Variants in NOX4 observed in about 807,000 individuals in gnomAD.
The protein encoded by NOX4 is kidney oxidase-1.
In NOX4, 69 loss-of-function variants were observed where a neutral mutation model predicts 87.6. That is an observed-to-expected ratio of 0.79 (90% CI 0.65 to 0.96). The LOEUF is 0.96. Ranked by LOEUF, NOX4 falls within the 40% of genes least tolerant of loss-of-function variation. NOX4 has a pLI of 0.00. For synonymous variants in NOX4, 275 were observed against 238.2 expected (o/e 1.15, Z -1.42); for missense variants, 680 against 681.5 (o/e 1.00, Z 0.02).
the NOX4 span, among the ~76,000 whole-genome samples, chr11:89,506,951 A>G: frequency 1.3e-5 from 2 of 151,940 alleles, no homozygotes; most frequent in East Asian, 1.9e-4. Flanking sequence ...ATACAATGCA[A>G]TACTATTCAC....
chr11:89,381,013 A>G (rs1940244849), intron 11 of NOX4, among the ~76,000 whole-genome samples: 1 of 152,202 alleles, frequency 6.6e-6, no homozygotes, highest in Non-Finnish European at 1.5e-5. Flanking sequence ...CAATAGCAAC[A>G]AAATGTTGCC....
intron 2 of NOX4, among the ~76,000 whole-genome samples, chr11:89,452,769 C>A (rs1474701286): frequency 6.6e-6 from 1 of 151,938 alleles, no homozygotes; most frequent in Non-Finnish European, 1.5e-5. Context: ...AGGCTGAGTG[C>A]AGTGGTACCA....
chr11:89,569,733 G>T, the NOX4 span, among the ~76,000 whole-genome samples: 1 of 152,170 alleles, frequency 6.6e-6, no homozygotes, highest in African/African-American at 2.4e-5. Flanking sequence ...GCCGGGTGCA[G>T]TGGCTCACAC....
rs1160075825 is a variant in NOX4 at position 89,449,500 on chromosome 11, A to G, written c.289T>C (p.Leu97=). 7.4e-6 allele frequency: 12 copies of G among 1,611,900 alleles called. No homozygotes were observed. Among genetic ancestry groups the G allele is most frequent in the Non-Finnish European group, 6.8e-6 (8 of 1,178,808 alleles). ...TGGAATGTTCTGCTTTTATCCAACA[A>G]TCTCCTGGTTCTCCTGCTTGGAACC... The part of the protein sequence containing the change: ...QKVPSRRTRR[L]LDKSRTFHIT... Residue 97 remains leucine, a synonymous_variant, in exon 4 of 18, where the codon TTG becomes CTG. Coordinates refer to ENST00000263317, the MANE Select transcript of NOX4 (RefSeq NM_016931.5).
chr11:89,460,535 C>T (rs1034640243), intron 2 of NOX4, among the ~76,000 whole-genome samples: 3 of 152,168 alleles, frequency 2.0e-5, no homozygotes, highest in African/African-American at 7.2e-5. Context: ...GACATTTATG[C>T]AGCCAAAAGA....
At chr11:89,584,516 T>C in the NOX4 span, among the ~76,000 whole-genome samples, 1 of 152,202 alleles carries the variant, frequency 6.6e-6, no homozygotes, top group Non-Finnish European at 1.5e-5. Flanking sequence ...TTTGTGTGTG[T>C]AGCACAGATG....
At chr11:89,393,922 TC>T (rs1332530713) in intron 11 of NOX4, among the ~76,000 whole-genome samples, 1 of 152,172 alleles carries the variant, frequency 6.6e-6, no homozygotes, top group Non-Finnish European at 1.5e-5. Context: ...TTCTCAGTCG[TC>T]TTCTACCTCC....
At chr11:89,358,671 T>C (rs2134993309) in intron 12 of NOX4, among the ~76,000 whole-genome samples, 1 of 151,804 alleles carries the variant, frequency 6.6e-6, no homozygotes, top group South Asian at 2.1e-4. Flanking sequence ...GTCTCACAGA[T>C]TTTTGCCTAT....
At chr11:89,383,800 C>T (rs184828609) in intron 11 of NOX4, among the ~76,000 whole-genome samples, 23 of 152,250 alleles carry the variant, frequency 1.5e-4, no homozygotes, top group Non-Finnish European at 2.4e-4. Flanking sequence ...TATAGCCACA[C>T]CTCACTGCCA....
At chr11:89,457,640 G>A (rs1429548645) in intron 2 of NOX4, among the ~76,000 whole-genome samples, 2 of 152,096 alleles carry the variant, frequency 1.3e-5, no homozygotes. Context: ...AATAAAGTCA[G>A]TCTACTGAAC....
rs112916472 is a variant in NOX4, at chr11:89,382,185, A to C, written c.1075-8693T>G. On this transcript the variant is annotated intron_variant, in intron 11 of 17. Transcript: ENST00000263317. ...CCCCACCCCTTCTCTCCGTGTCCCT[A>C]CCCTTTCTTTTCTCTGGGCTTGCCT... Among the ~76,000 whole-genome samples, 673 of 151,428 alleles carry C rather than the reference A, an allele frequency of 4.4e-3. 6 individuals are homozygous for C. Among genetic ancestry groups the C allele is most frequent in the African/African-American group, 0.015 (632 of 41,242 alleles).
the NOX4 span, among the ~76,000 whole-genome samples, chr11:89,585,112 G>C: frequency 6.6e-6 from 1 of 152,072 alleles, no homozygotes. Flanking sequence ...AGCTTACACC[G>C]GCGCTTATAG....
At chr11:89,557,077 C>G in the NOX4 span, 1 of 152,078 alleles carries the variant, frequency 6.6e-6, no homozygotes, top group Non-Finnish European at 1.5e-5. Flanking sequence ...GTTTTTCATG[C>G]TGCTAACAAT....
chr11:89,493,721 TTTATTATTA>T (rs200679523), upstream of NOX4, among the ~76,000 whole-genome samples: 462 of 142,288 alleles, frequency 3.2e-3, 4 homozygotes, highest in African/African-American at 7.5e-3. Context: ...GCCAGATTGT[TTTATTATTA>T]TTATTATTAT....
chr11:89,440,760 G>T (rs1226743322), intron 5 of NOX4, 45 bp from the exon 6 acceptor site: 2 of 1,119,322 alleles, frequency 1.8e-6, no homozygotes, highest in East Asian at 5.1e-5. Context: ...CTAAAGCACT[G>T]ATGATATATA....
chr11:89,397,972 C>T (rs1415727740), intron 11 of NOX4, among the ~76,000 whole-genome samples: 1 of 151,828 alleles, frequency 6.6e-6, no homozygotes, highest in Non-Finnish European at 1.5e-5. Context: ...TTTATGAGGC[C>T]AGCACCATCC....
At chr11:89,426,003 T>C (rs1025816737) in intron 7 of NOX4, among the ~76,000 whole-genome samples, 1 of 152,154 alleles carries the variant, frequency 6.6e-6, no homozygotes, top group Non-Finnish European at 1.5e-5. Context: ...GCATCAACAC[T>C]ATAAATATTC....
At chr11:89,474,337 G>T (rs1027306136) in intron 2 of NOX4, among the ~76,000 whole-genome samples, 2 of 151,024 alleles carry the variant, frequency 1.3e-5, no homozygotes, top group South Asian at 4.2e-4. Context: ...CTAATATTGA[G>T]TAAGACCAAT....
chr11:89,524,486 C>T, the NOX4 span, among the ~76,000 whole-genome samples: 1 of 151,928 alleles, frequency 6.6e-6, no homozygotes, highest in African/African-American at 2.4e-5. Flanking sequence ...GAAAGTTTAC[C>T]TAATTTTCTC....
Sources: gnomAD v4.1 joint callset for allele counts (sites outside exome capture counted in the v4.1 genomes callset) on GRCh38, gnomAD v4.1.1 for gene constraint, MANE v1.5 for transcripts, NCBI Gene and HGNC (gene_info 2026-07-23, HGNC 2026-07-21) for gene names.